PPTC7: variants seen among roughly 807,000 people sequenced by gnomAD.
PPTC7 encodes protein phosphatase targeting COQ7.
In PPTC7, 6 loss-of-function variants were observed where a neutral mutation model predicts 30.8. That is an observed-to-expected ratio of 0.19 (90% CI 0.11 to 0.38). The LOEUF is 0.38. Ranked by LOEUF, PPTC7 falls within the 10% of genes least tolerant of loss-of-function variation. The probability of loss-of-function intolerance (pLI) is 1.00; values close to 1 mark genes in which losing one functional copy is unlikely to be tolerated. For synonymous variants in PPTC7, 163 were observed against 168.1 expected (o/e 0.97, Z 0.23); for missense variants, 218 against 404.8 (o/e 0.54, Z 3.96).
chr12:110,562,177 C>G (rs888776681), intron 1 of PPTC7, among the ~76,000 whole-genome samples: 1 of 147,806 alleles, frequency 6.8e-6, no homozygotes, highest in Admixed American at 6.9e-5. Flanking sequence ...CCCAGCTACT[C>G]GGAAGGCTGA....
chr12:110,554,628 T>C (rs2064372544), intron 1 of PPTC7, among the ~76,000 whole-genome samples: 1 of 152,202 alleles, frequency 6.6e-6, no homozygotes, highest in South Asian at 2.1e-4. Flanking sequence ...AGCTCCTTTA[T>C]CAAGAGGAAA....
At chr12:110,581,979 G>C (rs891710747) in intron 1 of PPTC7, among the ~76,000 whole-genome samples, 2 of 152,164 alleles carry the variant, frequency 1.3e-5, no homozygotes, top group Admixed American at 6.6e-5. Flanking sequence ...GTACATTATG[G>C]TAAAGTTTCT....
chr12:110,560,278 T>C (rs371396728), intron 1 of PPTC7, among the ~76,000 whole-genome samples: 75 of 152,020 alleles, frequency 4.9e-4, no homozygotes, highest in African/African-American at 1.8e-3. Context: ...CACACACCTG[T>C]AGTTCCAGCT....
At chr12:110,580,823 C>T (rs896194617) in intron 1 of PPTC7, among the ~76,000 whole-genome samples, 1 of 152,050 alleles carries the variant, frequency 6.6e-6, no homozygotes, top group African/African-American at 2.4e-5. Context: ...ACGATCTTGG[C>T]TCACTGAAGC....
chr12:110,582,736 G>C, intron 1 of PPTC7, 73 bp downstream of exon 1: 1 of 1,295,694 alleles, frequency 7.7e-7, no homozygotes, highest in Non-Finnish European at 1.1e-6. Flanking sequence ...GGAGGAACTG[G>C]GGAAGCCCCG....
At chr12:110,545,793 C>G in intron 3 of PPTC7, 87 bp downstream of exon 3, 1 of 1,169,260 alleles carries the variant, frequency 8.6e-7, no homozygotes, top group Non-Finnish European at 1.3e-6. Context: ...CATGGAAATG[C>G]CTACCTCACT....
At chr12:110,565,386 G>C (rs1290068630) in intron 1 of PPTC7, among the ~76,000 whole-genome samples, 1 of 152,020 alleles carries the variant, frequency 6.6e-6, no homozygotes, top group Non-Finnish European at 1.5e-5. Context: ...CTCCTGAGTA[G>C]CTGGGATTAC....
chr12:110,549,375 A>T (rs1036053950), intron 2 of PPTC7, among the ~76,000 whole-genome samples: 11 of 139,238 alleles, frequency 7.9e-5, no homozygotes, highest in Admixed American at 4.2e-4. Flanking sequence ...TTGCTGGATT[A>T]AAAAAAAAAA....
At chr12:110,550,770 T>A (rs1041102686) in intron 2 of PPTC7, among the ~76,000 whole-genome samples, 6 of 152,202 alleles carry the variant, frequency 3.9e-5, no homozygotes, top group African/African-American at 1.4e-4. Flanking sequence ...TAATACAAGA[T>A]TATCGGGGAT....
chr12:110,565,716 G>A (rs1377616987), intron 1 of PPTC7, among the ~76,000 whole-genome samples: 1 of 152,196 alleles, frequency 6.6e-6, no homozygotes, highest in East Asian at 1.9e-4. Flanking sequence ...AGACACTATG[G>A]TGAAAGGGAG....
At chr12:110,541,577 G>A (rs994197082) in intron 3 of PPTC7, among the ~76,000 whole-genome samples, 6 of 151,624 alleles carry the variant, frequency 4.0e-5, no homozygotes, top group African/African-American at 1.5e-4. Context: ...GCACACGCCT[G>A]TAATCCCAGC....
At chr12:110,580,636 G>A (rs1444804020) in intron 1 of PPTC7, among the ~76,000 whole-genome samples, 4 of 151,122 alleles carry the variant, frequency 2.6e-5, no homozygotes, top group Non-Finnish European at 5.9e-5. Context: ...CACCACGCCC[G>A]GTCTAGCCTT....
Position 110,582,929 on chromosome 12 carries a change from C to T in PPTC7, c.103G>A (p.Gly35Arg), listed in dbSNP as rs1203236489. ...AAGCCGCAGCCGGCCGTCACCAGTC[C>T]GTAGTCGCCGCCGCCGCCGCCGCCG... ...RAGGGGGGDY[G>R]LVTAGCGFGK... Residue 35 changes from glycine (G) to arginine (R), a missense_variant, in exon 1 of 6, where the codon GGA (glycine) becomes AGA (arginine). Transcript: ENST00000354300. The T allele has an allele frequency of 1.3e-6, 2 of 1,547,556 alleles. No homozygotes were observed. The highest frequency in any genetic ancestry group is 8.7e-7 in the Non-Finnish European group (1 of 1,146,114).
intron 1 of PPTC7, among the ~76,000 whole-genome samples, chr12:110,574,776 GATTATT>G (rs921962930): frequency 1.2e-4 from 18 of 151,598 alleles, no homozygotes; most frequent in Non-Finnish European, 4.4e-5. Flanking sequence ...CTCCCTATCA[GATTATT>G]ATTATTATTA....
In PPTC7 at chr12:110,582,912, G is replaced by A; in HGVS notation, c.120C>T (p.Gly40=). ...TACGGAAGTCCTTCCCGAAGCCGCA[G>A]CCGGCCGTCACCAGTCCGTAGTCGC... ...GGGDYGLVTA[G]CGFGKDFRKG... Residue 40 remains glycine, a synonymous_variant, in exon 1 of 6, where the codon GGC becomes GGT. Transcript: ENST00000354300. The A allele has an allele frequency of 1.3e-6, 2 of 1,550,348 alleles. No individual in the cohort carries two copies. Among genetic ancestry groups the A allele is most frequent in the South Asian group, 1.2e-5 (1 of 84,294 alleles).
rs2064650193 is a variant in PPTC7, at chr12:110,582,799, G to A, written c.223+10C>T. The A allele has an allele frequency of 1.3e-6, 2 of 1,550,740 alleles. No homozygotes were observed. The highest frequency in any genetic ancestry group is 1.7e-6 in the Non-Finnish European group (2 of 1,147,842). ...GAGGCTGGGGCAAGGGAACCGGGTC[G>A]GGGACTCACCGAGCACGTCCGCGGA... On this transcript the variant is annotated intron_variant, in intron 1 of 5. Transcript: ENST00000354300.
chr12:110,568,291 C>T (rs1362788818), intron 1 of PPTC7, among the ~76,000 whole-genome samples: 4 of 146,020 alleles, frequency 2.7e-5, no homozygotes, highest in Non-Finnish European at 4.5e-5. Flanking sequence ...CTTGCTCTGT[C>T]ACCCAGGCTG....
chr12:110,567,418 C>T (rs2064494283), intron 1 of PPTC7, among the ~76,000 whole-genome samples: 1 of 152,186 alleles, frequency 6.6e-6, no homozygotes, highest in South Asian at 2.1e-4. Context: ...ATTTTCTGTT[C>T]CCAAACTTGA....
At chr12:110,580,467 T>C (rs2064627304) in intron 1 of PPTC7, among the ~76,000 whole-genome samples, 1 of 152,112 alleles carries the variant, frequency 6.6e-6, no homozygotes, top group African/African-American at 2.4e-5. Context: ...GCCTCGCTAG[T>C]AGCTGGGACT....
Sources: gnomAD v4.1 joint callset for allele counts (sites outside exome capture counted in the v4.1 genomes callset) on GRCh38, gnomAD v4.1.1 for gene constraint, MANE v1.5 for transcripts, NCBI Gene and HGNC (gene_info 2026-07-23, HGNC 2026-07-21) for gene names.